The following MGAT4C variants were observed in gnomAD, a reference collection of about 807,000 sequenced individuals.
MGAT4C encodes MGAT4 family member C, also known as alpha-1,3-mannosyl-glycoprotein 4-beta-N-acetylglucosaminyltransferase C.
A neutral mutation model predicts 40.1 loss-of-function variants in MGAT4C; 19 were observed. The ratio of observed to expected loss-of-function variants is 0.47; its 90% CI spans 0.33 to 0.70. The LOEUF is 0.70. Among genes scored for constraint, MGAT4C ranks in the 30% least tolerant of loss-of-function variants. The probability of loss-of-function intolerance (pLI) is 0.02; values close to 1 mark genes in which losing one functional copy is unlikely to be tolerated. For synonymous variants in MGAT4C, 181 were observed against 187.1 expected (o/e 0.97, Z 0.27); for missense variants, 491 against 563.2 (o/e 0.87, Z 1.30).
intron 2 of MGAT4C, among the ~76,000 whole-genome samples, chr12:85,998,738 A>C (rs904493887): frequency 3.3e-5 from 5 of 152,178 alleles, no homozygotes; most frequent in Admixed American, 6.5e-5. Flanking sequence ...TTCATCATCC[A>C]CATCCCTATC....
chr12:86,299,068 A>G (rs1350980095), intron 4 of MGAT4C, among the ~76,000 whole-genome samples: 1 of 152,184 alleles, frequency 6.6e-6, no homozygotes, highest in Non-Finnish European at 1.5e-5. Flanking sequence ...GTATAGTTAA[A>G]GAATCAGAAA....
intron 1 of MGAT4C, among the ~76,000 whole-genome samples, chr12:86,072,027 TG>T (rs1460738747): frequency 3.6e-3 from 7 of 1,918 alleles, no homozygotes; most frequent in African/African-American, 8.4e-3. Context: ...CATAGGGTTT[TG>T]TGTGTGTGTG....
At chr12:86,251,249 C>T (rs1451800540) in intron 1 of MGAT4C, among the ~76,000 whole-genome samples, 1 of 150,918 alleles carries the variant, frequency 6.6e-6, no homozygotes. Context: ...CATTTAAAAC[C>T]CAAATGTAAC....
At chr12:86,494,610 A>T (rs1339075695) in intron 2 of MGAT4C, among the ~76,000 whole-genome samples, 3 of 151,834 alleles carry the variant, frequency 2.0e-5, no homozygotes, top group Non-Finnish European at 2.9e-5. Flanking sequence ...CCCACAAACC[A>T]TAGCAATCAT....
At chr12:86,211,406 C>CAAAAAAAAAAAAAAAAAAAAAAAAAAA (rs58874795) in intron 1 of MGAT4C, among the ~76,000 whole-genome samples, 1 of 35,516 alleles carries the variant, frequency 2.8e-5, no homozygotes, top group Non-Finnish European at 4.5e-5. Context: ...ACTACAAATA[C>CAAAAAAAAAAAAAAAAAAAAAAAAAAA]AAAAAAAAAA....
In MGAT4C at chr12:85,966,909, G is replaced by C. The variant is rs947666503; in HGVS notation, c.*12380C>G. 3.4e-5 allele frequency: 5 copies of C among 148,868 alleles called. No individual in the cohort carries two copies. Among genetic ancestry groups the C allele is most frequent in the South Asian group, 2.2e-4 (1 of 4,522 alleles). The allele number at this position is 148,868 out of a possible 1,614,324, so 9.2% of individuals were successfully genotyped here. A position where few individuals can be genotyped will look rare whatever the true frequency, so the allele number is the denominator to read the frequency against. On this transcript the variant is annotated 3_prime_UTR_variant, in exon 5 of 5. Transcript: ENST00000611864. ...TGGGCCTGTTGTGGGGTCAGGGGAG[G>C]GGGGAGGGATAGCATTAGGAGATAT... is the stretch of plus-strand genomic sequence containing the variant.
intron 2 of MGAT4C, among the ~76,000 whole-genome samples, chr12:86,691,150 C>T (rs1593119419): frequency 1.3e-5 from 2 of 152,080 alleles, no homozygotes; most frequent in East Asian, 1.9e-4. Flanking sequence ...TTACTACTTC[C>T]GTTTACTGGC....
At chr12:86,245,153 C>T (rs1191718497) in intron 1 of MGAT4C, among the ~76,000 whole-genome samples, 7 of 152,126 alleles carry the variant, frequency 4.6e-5, no homozygotes, top group Admixed American at 4.6e-4. Flanking sequence ...GCCATCTACC[C>T]TTCACTAATA....
chr12:86,600,580 G>GCCTGGGGGCC (rs1961730422), intron 2 of MGAT4C, among the ~76,000 whole-genome samples: 1 of 152,186 alleles, frequency 6.6e-6, no homozygotes, highest in African/African-American at 2.4e-5. Flanking sequence ...TGGGCTCTTA[G>GCCTGGGGGCC]CCAGCACAAA....
chr12:86,191,299 A>T lies in MGAT4C; in HGVS notation c.-57+64940T>A, dbSNP rs576683210. Reference sequence around the variant, plus strand: ...TAGATATAAAGGTACCAATGGCTCTATTTCTAGTAGTAAAGAGAGCACTGA... The same window carrying T: ...TAGATATAAAGGTACCAATGGCTCTTTTTCTAGTAGTAAAGAGAGCACTGA... On this transcript the variant is annotated intron_variant, in intron 1 of 4. Transcript: ENST00000611864. Among the ~76,000 whole-genome samples the T allele has an allele frequency of 2.5e-4, 38 of 152,120 alleles. No individual in the cohort carries two copies. In the South Asian group the frequency reaches 4.4e-3, roughly 17 times the overall value.
At chr12:86,459,787 T>C (rs1001809657) in intron 2 of MGAT4C, among the ~76,000 whole-genome samples, 4 of 146,382 alleles carry the variant, frequency 2.7e-5, no homozygotes, top group Non-Finnish European at 4.5e-5. Context: ...TCCACAATCT[T>C]ACCTACAGAA....
intron 2 of MGAT4C, among the ~76,000 whole-genome samples, chr12:86,571,098 A>C (rs1010460381): frequency 6.6e-6 from 1 of 152,128 alleles, no homozygotes; most frequent in African/African-American, 2.4e-5. Flanking sequence ...TACAGGAGTG[A>C]GCTACCGGTG....
chr12:86,565,672 G>C (rs967158224), intron 2 of MGAT4C, among the ~76,000 whole-genome samples: 1 of 152,198 alleles, frequency 6.6e-6, no homozygotes, highest in Non-Finnish European at 1.5e-5. Context: ...AATAAATTTG[G>C]GGAAGAGGGA....
intron 2 of MGAT4C, among the ~76,000 whole-genome samples, chr12:86,726,967 A>G (rs1950831589): frequency 6.6e-6 from 1 of 152,146 alleles, no homozygotes; most frequent in South Asian, 2.1e-4. Flanking sequence ...TTTAAAAACT[A>G]AGACGTGAAT....
At chr12:86,263,818 T>C (rs1259133357) in intron 4 of MGAT4C, among the ~76,000 whole-genome samples, 1 of 152,200 alleles carries the variant, frequency 6.6e-6, no homozygotes, top group East Asian at 1.9e-4. Context: ...CCCTTTTCTC[T>C]AAATTCTCAC....
intron 1 of MGAT4C, among the ~76,000 whole-genome samples, chr12:86,755,586 TTCTTTCTC>T (rs1022433632): frequency 1.3e-5 from 2 of 151,844 alleles, no homozygotes; most frequent in African/African-American, 4.8e-5. Context: ...TTTTTTTCTT[TTCTTTCTC>T]TCTTTCTCTC....
chr12:86,319,160 A>G (rs541310592), intron 4 of MGAT4C, among the ~76,000 whole-genome samples: 1 of 152,298 alleles, frequency 6.6e-6, no homozygotes, highest in East Asian at 1.9e-4. Context: ...AATCATATCT[A>G]TGAAGGAAGA....
chr12:86,576,872 T>G (rs1192175079), intron 2 of MGAT4C, among the ~76,000 whole-genome samples: 1 of 151,872 alleles, frequency 6.6e-6, no homozygotes, highest in Non-Finnish European at 1.5e-5. Flanking sequence ...ATCATTGGTA[T>G]TTTCATAGGG....
intron 2 of MGAT4C, among the ~76,000 whole-genome samples, chr12:86,462,937 C>T (rs1158821935): frequency 1.3e-5 from 2 of 150,670 alleles, no homozygotes; most frequent in South Asian, 2.1e-4. Flanking sequence ...TTTTTGGTGA[C>T]ACTCTCACGG....
Sources: gnomAD v4.1 joint callset for allele counts (sites outside exome capture counted in the v4.1 genomes callset) on GRCh38, gnomAD v4.1.1 for gene constraint, MANE v1.5 for transcripts, NCBI Gene and HGNC (gene_info 2026-07-23, HGNC 2026-07-21) for gene names.